OTUD7A: variants seen among roughly 807,000 people sequenced by gnomAD.
OTUD7A encodes the protein OTU domain-containing protein 7A.
In OTUD7A, 12 loss-of-function variants were observed where a neutral mutation model predicts 65.7. The ratio of observed to expected loss-of-function variants is 0.18; its 90% CI spans 0.12 to 0.30. OTUD7A has a LOEUF of 0.30. OTUD7A is among the 10% of genes least tolerant of loss of function. The probability of loss-of-function intolerance (pLI) is 1.00; values close to 1 mark genes in which losing one functional copy is unlikely to be tolerated. For missense variants in OTUD7A, 1,148 were observed against 1,304.8 expected (o/e 0.88, Z 1.85); for synonymous variants, 641 against 586.3 (o/e 1.09, Z -1.35).
At chr15:31,753,704 A>ATATATATATATATAT (rs1555413874) in intron 1 of OTUD7A, among the ~76,000 whole-genome samples, 731 of 15,170 alleles carry the variant, frequency 0.048, 38 homozygotes, top group Non-Finnish European at 0.062. Flanking sequence ...TATATATATT[A>ATATATATATATATAT]TATATATATA....
At chr15:31,585,245 G>A (rs540662642) in intron 3 of OTUD7A, among the ~76,000 whole-genome samples, 7 of 152,318 alleles carry the variant, frequency 4.6e-5, no homozygotes, top group South Asian at 2.1e-4. Flanking sequence ...TCTCCTCTGC[G>A]TAATTTGGGA....
intron 3 of OTUD7A, among the ~76,000 whole-genome samples, chr15:31,602,799 A>G (rs946338523): frequency 1.5e-5 from 2 of 134,500 alleles, no homozygotes; most frequent in African/African-American, 6.9e-5. Flanking sequence ...AAGCATTCCT[A>G]TACACCAATA....
chr15:31,684,894 G>A (rs200002558), intron 1 of OTUD7A, among the ~76,000 whole-genome samples: 8,764 of 147,200 alleles, frequency 0.06, 890 homozygotes, highest in African/African-American at 0.21. Flanking sequence ...TGTGTCAGAA[G>A]CTGCCTCCCA....
chr15:31,489,256 T>C (rs1474377078), intron 10 of OTUD7A, among the ~76,000 whole-genome samples: 1 of 152,174 alleles, frequency 6.6e-6, no homozygotes, highest in African/African-American at 2.4e-5. Flanking sequence ...CATGAATGGA[T>C]GGGCCAAACC....
At chr15:31,544,422 G>GGAAAGA (rs2141138324) in intron 5 of OTUD7A, among the ~76,000 whole-genome samples, 1 of 151,252 alleles carries the variant, frequency 6.6e-6, no homozygotes, top group South Asian at 2.1e-4. Flanking sequence ...TAGAGGGAAG[G>GGAAAGA]GAAAGAGAAA....
intron 1 of OTUD7A, among the ~76,000 whole-genome samples, chr15:31,677,908 G>A (rs1484241945): frequency 6.6e-6 from 1 of 152,214 alleles, no homozygotes; most frequent in Non-Finnish European, 1.5e-5. Flanking sequence ...AAGACAGGAA[G>A]ATGTGGGAAA....
intron 1 of OTUD7A, among the ~76,000 whole-genome samples, chr15:31,840,452 A>T (rs8032920): frequency 0.33 from 50,276 of 151,048 alleles, 10,092 homozygotes; most frequent in Non-Finnish European, 0.44. Context: ...ATTAAAAAAT[A>T]AAAATAAAAA....
intron 1 of OTUD7A, among the ~76,000 whole-genome samples, chr15:31,839,560 G>C (rs78611185): frequency 0.014 from 2,082 of 152,290 alleles, 43 homozygotes; most frequent in African/African-American, 0.048. Context: ...GCTGCAGCCT[G>C]TCCTGGCATC....
chr15:31,567,678 C>G (rs901165441), intron 4 of OTUD7A, among the ~76,000 whole-genome samples: 1 of 152,246 alleles, frequency 6.6e-6, no homozygotes, highest in African/African-American at 2.4e-5. Context: ...ACAGCAGCCC[C>G]TCCCATCAAA....
chr15:31,486,707 G>A (rs1018926569), intron 12 of OTUD7A, among the ~76,000 whole-genome samples: 3 of 152,266 alleles, frequency 2.0e-5, no homozygotes, highest in African/African-American at 7.2e-5. Flanking sequence ...AGGGGAGGAA[G>A]GGGGCGCCGA....
intron 3 of OTUD7A, among the ~76,000 whole-genome samples, chr15:31,630,366 G>C (rs1005559445): frequency 1.3e-5 from 2 of 152,134 alleles, no homozygotes; most frequent in African/African-American, 4.8e-5. Flanking sequence ...AGTCATTCAG[G>C]AGCAGGTTGT....
At chr15:31,521,754 A>G (rs1405996299) in intron 8 of OTUD7A, among the ~76,000 whole-genome samples, 1 of 152,174 alleles carries the variant, frequency 6.6e-6, no homozygotes, top group Non-Finnish European at 1.5e-5. Context: ...AAACTCAACT[A>G]CAAAGAGAAA....
chr15:31,662,206 C>A (rs1408029279), intron 1 of OTUD7A, among the ~76,000 whole-genome samples: 1 of 152,148 alleles, frequency 6.6e-6, no homozygotes. Flanking sequence ...TTCTTTTATT[C>A]ATTCTTTATT....
At chr15:31,489,904 A>G (rs1458813434) in intron 10 of OTUD7A, among the ~76,000 whole-genome samples, 2 of 152,158 alleles carry the variant, frequency 1.3e-5, no homozygotes, top group East Asian at 3.9e-4. Context: ...GTCCACCTAG[A>G]AGGGTCCAGC....
At chr15:31,687,696 A>G (rs1892870674) in intron 1 of OTUD7A, among the ~76,000 whole-genome samples, 1 of 152,216 alleles carries the variant, frequency 6.6e-6, no homozygotes, top group African/African-American at 2.4e-5. Context: ...CCACCTCAGT[A>G]TATGCTCCCT....
intron 1 of OTUD7A, among the ~76,000 whole-genome samples, chr15:31,783,798 C>G (rs73380506): frequency 0.041 from 6,181 of 152,272 alleles, 422 homozygotes; most frequent in African/African-American, 0.14. Flanking sequence ...GAAAGAATAA[C>G]TGAAAACGAT....
intron 1 of OTUD7A, among the ~76,000 whole-genome samples, chr15:31,796,727 A>G (rs185076555): frequency 0.027 from 4,134 of 152,248 alleles, 207 homozygotes; most frequent in African/African-American, 0.094. Context: ...ATTTAGACAG[A>G]GCTTTCAAAC....
intron 1 of OTUD7A, among the ~76,000 whole-genome samples, chr15:31,673,165 C>T (rs115176806): frequency 0.021 from 3,212 of 152,298 alleles, 107 homozygotes; most frequent in African/African-American, 0.073. Context: ...GTCGAACCAT[C>T]GTTAAGTCCA....
intron 10 of OTUD7A, among the ~76,000 whole-genome samples, chr15:31,491,871 G>C (rs1015011964): frequency 2.7e-5 from 4 of 150,152 alleles, no homozygotes; most frequent in Non-Finnish European, 5.9e-5. Flanking sequence ...TTAAAGTGCT[G>C]AAAGAAAAAA....
Sources: gnomAD v4.1 joint callset for allele counts (sites outside exome capture counted in the v4.1 genomes callset) on GRCh38, gnomAD v4.1.1 for gene constraint, MANE v1.5 for transcripts, NCBI Gene and HGNC (gene_info 2026-07-23, HGNC 2026-07-21) for gene names.